Variants in PIAS1 observed in about 807,000 individuals in gnomAD.
The protein encoded by PIAS1 is protein inhibitor of activated STAT 1.
In PIAS1, 6 loss-of-function variants were observed where a neutral mutation model predicts 71.3. That is an observed-to-expected ratio of 0.08 (90% CI 0.05 to 0.17). The LOEUF (loss-of-function observed/expected upper bound fraction) is 0.17, where lower values mean the gene tolerates loss of function less well. PIAS1 is among the 10% of genes least tolerant of loss of function. PIAS1 has a pLI of 1.00. For synonymous variants in PIAS1, 303 were observed against 292.9 expected (o/e 1.03, Z -0.35); for missense variants, 555 against 793.6 (o/e 0.70, Z 3.61).
chr15:68,155,086 A>G (rs1190218867), intron 7 of PIAS1, among the ~76,000 whole-genome samples: 1 of 152,206 alleles, frequency 6.6e-6, no homozygotes, highest in Non-Finnish European at 1.5e-5. Flanking sequence ...AACAGCAACA[A>G]CAACAATAAG....
chr15:68,115,703 A>C (rs1032421281), intron 2 of PIAS1, among the ~76,000 whole-genome samples: 14 of 151,984 alleles, frequency 9.2e-5, no homozygotes, highest in Admixed American at 2.6e-4. Flanking sequence ...CGATTTGAAG[A>C]TGTTTACTTC....
intron 1 of PIAS1, among the ~76,000 whole-genome samples, chr15:68,085,092 CTGGGGTTATCA>C (rs1454648574): frequency 1.3e-5 from 2 of 152,112 alleles, no homozygotes; most frequent in Non-Finnish European, 2.9e-5. Flanking sequence ...AGAGAATTGG[CTGGGGTTATCA>C]TTGTGAGTGG....
chr15:68,071,200 A>ACCCCCGCC (rs897192967), intron 1 of PIAS1, among the ~76,000 whole-genome samples: 2 of 87,714 alleles, frequency 2.3e-5, no homozygotes, highest in African/African-American at 8.8e-5. Flanking sequence ...CCTTCTTTTC[A>ACCCCCGCC]CCCCCGCCCC....
chr15:68,072,152 G>A (rs868715576), intron 1 of PIAS1, among the ~76,000 whole-genome samples: 25 of 150,872 alleles, frequency 1.7e-4, no homozygotes, highest in South Asian at 6.3e-4. Context: ...TAATCCCAGC[G>A]CTTTGGGAGG....
chr15:68,065,731 A>G lies in PIAS1; in HGVS notation c.24+11381A>G, dbSNP rs183306160. Among the ~76,000 whole-genome samples the G allele has an allele frequency of 2.7e-4, 40 of 145,544 alleles. 1 individual carries two copies. In the East Asian group the frequency reaches 3.3e-3, roughly 12 times the overall value. On this transcript the variant is annotated intron_variant, in intron 1 of 13. Transcript: ENST00000249636. ...GCATTGCACTGAACGAATGTGCTTG[A>G]AGTACTTTTTTTTTTTTTTTTTTTT... is the stretch of plus-strand genomic sequence containing the variant.
chr15:68,070,285 A>C (rs1335529676), intron 1 of PIAS1, among the ~76,000 whole-genome samples: 1 of 152,220 alleles, frequency 6.6e-6, no homozygotes, highest in East Asian at 1.9e-4. Context: ...GGGCTAATGG[A>C]TAGGGCATGA....
intron 1 of PIAS1, among the ~76,000 whole-genome samples, chr15:68,078,886 GA>G (rs1342326160): frequency 6.6e-6 from 1 of 152,092 alleles, no homozygotes; most frequent in African/African-American, 2.4e-5. Context: ...AATTATGATT[GA>G]AAACATTTTT....
rs530370572 is a variant in PIAS1 at position 68,175,483 on chromosome 15, T to C, written c.1170-154T>C. On this transcript the variant is annotated intron_variant, in intron 9 of 13. Transcript: ENST00000249636. The stretch of plus-strand genomic sequence containing the variant: ...TAAAAATCTTTGAAAATGTCATTTT[T>C]CATGGTCACATGATATTTTCTTACA... 3.9e-5 allele frequency among the ~76,000 whole-genome samples: 6 copies of C among 152,372 alleles called. No individual in the cohort carries two copies. The South Asian group carries it at 1.0e-3, about 26-fold the overall frequency.
intron 7 of PIAS1, among the ~76,000 whole-genome samples, chr15:68,158,071 T>G (rs2092902814): frequency 6.6e-6 from 1 of 152,224 alleles, no homozygotes; most frequent in Admixed American, 6.5e-5. Flanking sequence ...TATACAGATC[T>G]AAAATCTTAC....
chr15:68,190,587 T>G lies in PIAS1; in HGVS notation c.*2752T>G, dbSNP rs1367960599. 1 of 152,150 alleles carries G rather than the reference T, an allele frequency of 6.6e-6. No homozygotes were observed. The highest frequency in any genetic ancestry group is 1.5e-5 in the Non-Finnish European group (1 of 68,034). 9.4% of individuals were successfully genotyped at this position (152,150 alleles called of 1,614,324 possible). On this transcript the variant is annotated 3_prime_UTR_variant, in exon 14 of 14. Coordinates refer to ENST00000249636, the MANE Select transcript of PIAS1 (RefSeq NM_016166.3). This position sits in a 1 kb window ranked among gnomAD's most constrained non-coding sequence, Gnocchi z 4.7. ...CTAGTCAAGTTGCCATCATCCCCCT[T>G]GCCTTGGCCGTTCATAGTAGGTATG... is the stretch of plus-strand genomic sequence containing the variant.
rs554591424 is a variant in PIAS1, at chr15:68,137,265, A to G, written c.470-4681A>G. 8.5e-5 allele frequency among the ~76,000 whole-genome samples: 13 copies of G among 152,338 alleles called. No homozygotes were observed. In the South Asian group the frequency reaches 2.5e-3, roughly 29 times the overall value. ...ACAGAGTTATTTCAAATAGTGAAAA[A>G]TTAGAAATAACCTAAATGACTAATC... On this transcript the variant is annotated intron_variant, in intron 2 of 13. Coordinates refer to ENST00000249636, the MANE Select transcript of PIAS1 (RefSeq NM_016166.3).
chr15:68,062,451 A>AT (rs1487552220), intron 1 of PIAS1, among the ~76,000 whole-genome samples: 2 of 152,218 alleles, frequency 1.3e-5, no homozygotes, highest in Non-Finnish European at 2.9e-5. Context: ...TTGTGTAACC[A>AT]TTAACCACAA....
intron 8 of PIAS1, among the ~76,000 whole-genome samples, chr15:68,170,905 G>A (rs2092987182): frequency 6.6e-6 from 1 of 151,906 alleles, no homozygotes; most frequent in Non-Finnish European, 1.5e-5. Context: ...CCTCCCAAAG[G>A]GCTGGGATTA....
chr15:68,069,009 G>C (rs749941032), intron 1 of PIAS1, among the ~76,000 whole-genome samples: 16 of 149,838 alleles, frequency 1.1e-4, no homozygotes, highest in African/African-American at 1.7e-4. Flanking sequence ...CATTCTCCTG[G>C]CTCAGCTGCC....
At chr15:68,140,970 T>G (rs2092766097) in intron 2 of PIAS1, among the ~76,000 whole-genome samples, 3 of 152,150 alleles carry the variant, frequency 2.0e-5, no homozygotes, top group Admixed American at 2.0e-4. Flanking sequence ...TGCTTCTTTG[T>G]GCCAAGCACT....
rs758578512 is a variant in PIAS1, at chr15:68,187,735, A to G, written c.1856A>G (p.Asn619Ser). ...AGTAACAGCAGCCTGGTTTCTTCCA[A>G]CAGCCTAAGGGAAAGCCATAGCCAC... ...SGSNSSLVSS[N>S]SLRESHSHTV... Residue 619 changes from asparagine (N) to serine (S), a missense_variant, in exon 14 of 14, where the codon AAC (asparagine) becomes AGC (serine). Coordinates refer to ENST00000249636, the MANE Select transcript of PIAS1 (RefSeq NM_016166.3). This position sits in a 1 kb window ranked among gnomAD's most constrained non-coding sequence, Gnocchi z 5.3. 1.4e-5 allele frequency: 22 copies of G among 1,613,892 alleles called. No homozygotes were observed. Among genetic ancestry groups the G allele is most frequent in the Admixed American group, 3.3e-5 (2 of 60,002 alleles).
In PIAS1 at chr15:68,171,647, C is replaced by G. The variant is rs2092992392; in HGVS notation, c.1009-2085C>G. ...TGTTCAGTGTTCTATTTTTATTCAT[C>G]ATGGCTACATCTGGTTGAAGTAAGG... is the stretch of plus-strand genomic sequence containing the variant. On this transcript the variant is annotated intron_variant, in intron 8 of 13. Coordinates refer to ENST00000249636, the MANE Select transcript of PIAS1 (RefSeq NM_016166.3). The surrounding 1 kb of genome is among the most constrained non-coding windows in gnomAD (Gnocchi z 4.4). Among the ~76,000 whole-genome samples, 1 of 152,136 alleles carries G rather than the reference C, an allele frequency of 6.6e-6. No homozygotes were observed. Among genetic ancestry groups the G allele is most frequent in the Admixed American group, 6.5e-5 (1 of 15,270 alleles).
intron 11 of PIAS1, among the ~76,000 whole-genome samples, chr15:68,179,561 G>GTTTTTTTTTTTTTTTTTTTTT (rs1307028845): frequency 3.3e-5 from 1 of 30,186 alleles, no homozygotes; most frequent in Non-Finnish European, 9.8e-5. Flanking sequence ...CTCGTGAAAT[G>GTTTTTTTTTTTTTTTTTTTTT]TTCTTTTTTT....
intron 2 of PIAS1, among the ~76,000 whole-genome samples, chr15:68,106,351 C>CAAAAAAAA (rs11313083): frequency 1.1e-5 from 1 of 92,858 alleles, no homozygotes; most frequent in African/African-American, 3.9e-5. Context: ...ATGACCTTTG[C>CAAAAAAAA]AAAAAAAAAA....
Sources: gnomAD v4.1 joint callset for allele counts (sites outside exome capture counted in the v4.1 genomes callset) on GRCh38, gnomAD v4.1.1 for gene constraint, Gnocchi (gnomAD v3.1) non-coding constraint, MANE v1.5 for transcripts, NCBI Gene and HGNC (gene_info 2026-07-23, HGNC 2026-07-21) for gene names.